Variants in COL24A1 observed in about 807,000 individuals in gnomAD.
COL24A1 encodes the protein collagen alpha-1(XXIV) chain.
In COL24A1, 224 loss-of-function variants were observed where a neutral mutation model predicts 253.9. The observed-to-expected ratio is 0.88, with a 90% CI of 0.79 to 0.99. The LOEUF (loss-of-function observed/expected upper bound fraction) is 0.99. Ranked by LOEUF, COL24A1 falls within the 50% of genes least tolerant of loss-of-function variation. COL24A1 has a pLI of 0.00. For missense variants in COL24A1, 2,131 were observed against 2,068.5 expected, an observed-to-expected ratio of 1.03 and a Z score of -0.59; for synonymous variants, 685 against 673.7, an observed-to-expected ratio of 1.02 and a Z score of -0.26.
At chr1:85,744,905 G>A in intron 56 of COL24A1, 71 bp from the exon 57 acceptor site, 1 of 1,194,226 alleles carries the variant, frequency 8.4e-7, no homozygotes, top group African/African-American at 1.5e-5. Flanking sequence ...GGCAGGAGAA[G>A]AATGTGTTTC....
At chr1:86,090,701 T>A (rs1191623785) in intron 6 of COL24A1, among the ~76,000 whole-genome samples, 1 of 152,204 alleles carries the variant, frequency 6.6e-6, no homozygotes, top group African/African-American at 2.4e-5. Flanking sequence ...AGATCATTTT[T>A]AAATTTTACC....
chr1:85,828,423 T>C (rs1443676751), intron 43 of COL24A1, among the ~76,000 whole-genome samples: 2 of 151,364 alleles, frequency 1.3e-5, no homozygotes, highest in Non-Finnish European at 3.0e-5. Flanking sequence ...GAGAGTTCTG[T>C]AGATGTCTAT....
At chr1:85,856,998 G>A (rs114330417) in intron 37 of COL24A1, among the ~76,000 whole-genome samples, 177 of 152,182 alleles carry the variant, frequency 1.2e-3, no homozygotes, top group African/African-American at 3.8e-3. Flanking sequence ...GAAGCATGGA[G>A]GTTTTGTTTG....
intron 37 of COL24A1, among the ~76,000 whole-genome samples, chr1:85,858,624 C>CTTCCTTCCTTCT (rs1678745267): frequency 1.2e-5 from 1 of 86,802 alleles, no homozygotes; most frequent in Non-Finnish European, 2.2e-5. Context: ...TTTCTCCCTC[C>CTTCCTTCCTTCT]TTCCTTCCTT....
In COL24A1 at chr1:85,744,704, C is replaced by T. The variant is rs1665015224; in HGVS notation, c.4634G>A (p.Cys1545Tyr). The T allele has an allele frequency of 6.2e-7, 1 of 1,608,554 alleles. No individual in the cohort carries two copies. The highest frequency in any genetic ancestry group is 2.2e-5 in the East Asian group (1 of 44,756). Residue 1545 changes from cysteine to tyrosine, a missense_variant, in exon 57 of 60, where the codon TGC becomes TAC. Physicochemically the swap from Cys to Tyr is radical, Grantham distance 194. Coordinates refer to ENST00000370571, the MANE Select transcript of COL24A1 (RefSeq NM_152890.7). ...TTGTTCACAGTTAAGTAAATCTTTGCAGATTCGTGCTGGGTTATCTCGTGT... is the reference window on the plus strand; with the variant it reads ...TTGTTCACAGTTAAGTAAATCTTTGTAGATTCGTGCTGGGTTATCTCGTGT... Reference protein sequence around the residue: ...LGTRDNPARICKDLLNCEQKV... With the variant: ...LGTRDNPARIYKDLLNCEQKV...
chr1:85,805,593 CTG>C (rs1671875146), intron 47 of COL24A1, among the ~76,000 whole-genome samples: 1 of 152,270 alleles, frequency 6.6e-6, no homozygotes, highest in Admixed American at 6.5e-5. Flanking sequence ...CGTTATGTGA[CTG>C]TAGAAATTAC....
chr1:85,831,806 T>C (rs962386261), intron 43 of COL24A1, among the ~76,000 whole-genome samples: 1 of 151,912 alleles, frequency 6.6e-6, no homozygotes, highest in African/African-American at 2.4e-5. Flanking sequence ...AGGTAGAAAA[T>C]GGATCTGAGA....
chr1:86,034,767 T>C (rs76691763), intron 12 of COL24A1, among the ~76,000 whole-genome samples: 2,025 of 152,228 alleles, frequency 0.013, 23 homozygotes, highest in Middle Eastern at 0.041. Context: ...TAAATTCTAT[T>C]GTAAAATAAC....
At chr1:85,896,984 G>A (rs1683809271) in intron 28 of COL24A1, among the ~76,000 whole-genome samples, 1 of 152,108 alleles carries the variant, frequency 6.6e-6, no homozygotes, top group South Asian at 2.1e-4. Flanking sequence ...TGTTATTTGG[G>A]TATTTCGTTC....
At chr1:86,084,422 C>A (rs1475915294) in intron 7 of COL24A1, among the ~76,000 whole-genome samples, 1 of 152,176 alleles carries the variant, frequency 6.6e-6, no homozygotes, top group Admixed American at 6.5e-5. Context: ...GAACATACTT[C>A]CCTCAGGCAT....
At chr1:86,000,777 T>C (rs1695318660) in intron 19 of COL24A1, among the ~76,000 whole-genome samples, 1 of 152,228 alleles carries the variant, frequency 6.6e-6, no homozygotes, top group Non-Finnish European at 1.5e-5. Context: ...GATTCATTTT[T>C]GTCATAAACA....
chr1:85,814,111 A>G (rs1327649662), intron 47 of COL24A1, among the ~76,000 whole-genome samples: 1 of 152,140 alleles, frequency 6.6e-6, no homozygotes, highest in Non-Finnish European at 1.5e-5. Context: ...CTATCTTATA[A>G]TTTGTTTTCT....
At chr1:86,048,498 T>TC (rs1296790898) in intron 11 of COL24A1, among the ~76,000 whole-genome samples, 1 of 151,976 alleles carries the variant, frequency 6.6e-6, no homozygotes, top group Non-Finnish European at 1.5e-5. Flanking sequence ...GTCTTGATTT[T>TC]TTTTTTTTTT....
intron 7 of COL24A1, among the ~76,000 whole-genome samples, chr1:86,064,862 G>A (rs1215470439): frequency 6.6e-6 from 1 of 152,178 alleles, no homozygotes; most frequent in African/African-American, 2.4e-5. Flanking sequence ...AACAGCTTTT[G>A]CGATGTTAAA....
At chr1:86,140,071 C>T (rs1372936191) in intron 2 of COL24A1, among the ~76,000 whole-genome samples, 15 of 151,974 alleles carry the variant, frequency 9.9e-5, no homozygotes, top group Admixed American at 9.8e-4. Flanking sequence ...TGGAGTATTC[C>T]CCTTCTTCTA....
At chr1:86,142,541 C>CAA (rs373720712) in intron 2 of COL24A1, among the ~76,000 whole-genome samples, 2,169 of 143,754 alleles carry the variant, frequency 0.015, 21 homozygotes, top group Non-Finnish European at 0.025. Flanking sequence ...AAACAAAAAA[C>CAA]AAAAAACAAA....
chr1:85,767,167 A>T (rs563298345), intron 53 of COL24A1, among the ~76,000 whole-genome samples: 262 of 152,086 alleles, frequency 1.7e-3, no homozygotes, highest in African/African-American at 6.0e-3. Context: ...GATTGTTGTG[A>T]TTCTGATCTT....
In COL24A1 at chr1:86,150,375, C is replaced by G. The variant is rs182687703; in HGVS notation, c.57-4192G>C. Among the ~76,000 whole-genome samples the G allele has an allele frequency of 7.5e-4, 114 of 152,258 alleles. 1 individual carries two copies. Among genetic ancestry groups the G allele is most frequent in the African/African-American group, 2.7e-3 (112 of 41,564 alleles). On this transcript the variant is annotated intron_variant, in intron 1 of 59. Coordinates refer to ENST00000370571, the MANE Select transcript of COL24A1 (RefSeq NM_152890.7). The stretch of plus-strand genomic sequence containing the variant: ...TGTTACATGAAATTGACAGTAAATA[C>G]TTTTTAAAAGGAAATGATCAAAAGT...
intron 2 of COL24A1, among the ~76,000 whole-genome samples, chr1:86,129,190 T>C (rs1451231542): frequency 6.6e-6 from 1 of 151,784 alleles, no homozygotes; most frequent in Non-Finnish European, 1.5e-5. Flanking sequence ...TTCTATGAAA[T>C]AATAAATTTC....
Sources: gnomAD v4.1 joint callset for allele counts (sites outside exome capture counted in the v4.1 genomes callset) on GRCh38, gnomAD v4.1.1 for gene constraint, MANE v1.5 for transcripts, NCBI Gene and HGNC (gene_info 2026-07-23, HGNC 2026-07-21) for gene names.